WAPL: variants seen among roughly 807,000 people sequenced by gnomAD.
WAPL encodes wings apart-like protein homolog.
WAPL carries 5 observed loss-of-function variants against 121.0 expected under a neutral mutation model. The ratio of observed to expected loss-of-function variants is 0.04; its 90% CI spans 0.02 to 0.09. WAPL has a LOEUF of 0.09. Among genes scored for constraint, WAPL ranks in the 10% least tolerant of loss-of-function variants. The probability of loss-of-function intolerance (pLI) is 1.00; values close to 1 mark genes in which losing one functional copy is unlikely to be tolerated. For synonymous variants in WAPL, 480 were observed against 481.5 expected, an observed-to-expected ratio of 1.00 and a Z score of 0.04; for missense variants, 999 against 1,410.8, an observed-to-expected ratio of 0.71 and a Z score of 4.68.
rs1416699766 is a variant in WAPL at position 86,504,472 on chromosome 10, C to T, written c.500-3729G>A. On this transcript the variant is annotated intron_variant, in intron 2 of 18. Transcript: ENST00000298767. ...TGGGCAGATCACGAGGTCAGGAGAT[C>T]GAGACCAGACTAGCTAACACGGTGA... 2.8e-5 allele frequency among the ~76,000 whole-genome samples: 4 copies of T among 144,108 alleles called. No homozygotes were observed. In the South Asian group the frequency reaches 6.9e-4, roughly 25 times the overall value. The allele number at this position is 144,108 out of a possible 152,430, so 94.5% of individuals were successfully genotyped here. A position where few individuals can be genotyped will look rare whatever the true frequency, so the allele number is the denominator to read the frequency against.
At chr10:86,489,604 T>C (rs576656617) in intron 4 of WAPL, among the ~76,000 whole-genome samples, 10 of 152,280 alleles carry the variant, frequency 6.6e-5, no homozygotes, top group Non-Finnish European at 1.0e-4. Context: ...GGGGGTGCTA[T>C]TGACAACTAA....
At chr10:86,486,839 C>T (rs1390303429) in intron 4 of WAPL, among the ~76,000 whole-genome samples, 1 of 151,950 alleles carries the variant, frequency 6.6e-6, no homozygotes, top group Non-Finnish European at 1.5e-5. Context: ...GCCTATAGTC[C>T]CAGCTACCCT....
intron 4 of WAPL, among the ~76,000 whole-genome samples, chr10:86,479,908 G>A (rs1841742822): frequency 6.6e-6 from 1 of 152,152 alleles, no homozygotes; most frequent in Non-Finnish European, 1.5e-5. Context: ...TCAGAAGCAG[G>A]AGAAGAAAAG....
intron 2 of WAPL, among the ~76,000 whole-genome samples, chr10:86,506,491 T>C (rs1463299306): frequency 6.6e-6 from 1 of 152,234 alleles, no homozygotes; most frequent in East Asian, 1.9e-4. Flanking sequence ...AATGTCAATA[T>C]TGGCCACGTG....
chr10:86,445,081 T>A (rs76434057), intron 16 of WAPL, among the ~76,000 whole-genome samples: 10,179 of 152,058 alleles, frequency 0.067, 645 homozygotes, highest in East Asian at 0.38. Context: ...CATATGGTCG[T>A]CCCTCTGCAT....
intron 4 of WAPL, among the ~76,000 whole-genome samples, chr10:86,495,549 G>GT (rs1446156318): frequency 1.3e-5 from 2 of 151,776 alleles, no homozygotes; most frequent in South Asian, 2.1e-4. Context: ...CGATCTAAAC[G>GT]TAACGACCTA....
At position 86,472,585 on chromosome 10, in the gene WAPL, C is replaced by A. The variant is rs1423675816; in HGVS notation, c.1893+27G>T. On this transcript the variant is annotated intron_variant, in intron 6 of 18. Transcript: ENST00000298767. The surrounding 1 kb of genome is among the most constrained non-coding windows in gnomAD (Gnocchi z 4.2). The stretch of plus-strand genomic sequence containing the variant: ...TTACATACAAAAATCTATCAACATG[C>A]AGTAAACACTGTATATGGCTGCTTA... 4 of 1,602,484 alleles carry A rather than the reference C, an allele frequency of 2.5e-6. No homozygotes were observed. The highest frequency in any genetic ancestry group is 1.8e-5 in the Admixed American group (1 of 56,948).
chr10:86,510,068 C>CTTTTTTTTTTT (rs11323475), intron 2 of WAPL, among the ~76,000 whole-genome samples: 1 of 57,200 alleles, frequency 1.7e-5, no homozygotes, highest in Non-Finnish European at 2.9e-5. Context: ...TCCACCCGGC[C>CTTTTTTTTTTT]TTTTTTTTTT....
At chr10:86,462,452 A>ATG (rs1841302764) in intron 9 of WAPL, among the ~76,000 whole-genome samples, 1 of 152,086 alleles carries the variant, frequency 6.6e-6, no homozygotes, top group Non-Finnish European at 1.5e-5. Flanking sequence ...GCGGTGGCTC[A>ATG]CACCTGTATG....
rs1842267831 is a variant in WAPL at position 86,502,633 on chromosome 10, T to A, written c.500-1890A>T. 2.6e-5 allele frequency among the ~76,000 whole-genome samples: 4 copies of A among 152,222 alleles called. No homozygotes were observed. In the South Asian group the frequency reaches 8.3e-4, roughly 31 times the overall value. Reference sequence around the variant, plus strand: ...ACACAAATGTATACATCTGTGTAACTGTATACTAGTCTATACACACAAATA... The same window carrying A: ...ACACAAATGTATACATCTGTGTAACAGTATACTAGTCTATACACACAAATA... On this transcript the variant is annotated intron_variant, in intron 2 of 18. Coordinates refer to ENST00000298767, the MANE Select transcript of WAPL (RefSeq NM_015045.5).
At chr10:86,470,842 G>T in intron 8 of WAPL, 150 bp downstream of exon 8, 1 of 576,428 alleles carries the variant, frequency 1.7e-6, no homozygotes, top group Non-Finnish European at 2.9e-6. Flanking sequence ...AAAGCTTCTG[G>T]CCATAAGCAC....
intron 12 of WAPL, among the ~76,000 whole-genome samples, chr10:86,454,846 C>T (rs1466596418): frequency 2.7e-5 from 4 of 149,926 alleles, no homozygotes; most frequent in Non-Finnish European, 4.4e-5. Flanking sequence ...TGCCCGGCCG[C>T]GACCCCGTCT....
chr10:86,519,493 T>C (rs555632394), intron 1 of WAPL, among the ~76,000 whole-genome samples: 1 of 151,182 alleles, frequency 6.6e-6, no homozygotes, highest in East Asian at 1.9e-4. Context: ...AATTCAGTAG[T>C]AGACCCCCCC....
chr10:86,472,331 A>C lies in WAPL; in HGVS notation c.1907T>G (p.Val636Gly). Residue 636 changes from valine to glycine, a missense_variant, in exon 7 of 19, where the codon GTT (valine) becomes GGT (glycine). By Grantham distance (109) the Val-to-Gly change is moderately radical (BLOSUM62 -3). This residue lies in a region of WAPL where 118 missense variants were observed against 318.3 expected (regional missense o/e 0.37). Coordinates refer to ENST00000298767, the MANE Select transcript of WAPL (RefSeq NM_015045.5). This position sits in a 1 kb window ranked among gnomAD's most constrained non-coding sequence, Gnocchi z 4.2. ...RREDKELYTV[V>G]QHVKHFNDVV... The stretch of plus-strand genomic sequence containing the variant: ...ATCGTTGAAGTGCTTCACGTGCTGA[A>C]CAACAGTATATAACTGCCAAGAAAA... The C allele has an allele frequency of 6.3e-7, 1 of 1,597,158 alleles. No homozygotes were observed. Among genetic ancestry groups the C allele is most frequent in the Non-Finnish European group, 8.5e-7 (1 of 1,176,436 alleles).
intron 4 of WAPL, among the ~76,000 whole-genome samples, chr10:86,480,602 T>G (rs1294197312): frequency 6.6e-6 from 1 of 150,416 alleles, no homozygotes; most frequent in Non-Finnish European, 1.5e-5. Flanking sequence ...TTATCAAATT[T>G]AGAAATAAAA....
intron 2 of WAPL, among the ~76,000 whole-genome samples, chr10:86,511,078 T>A (rs7899145): frequency 0.85 from 129,709 of 152,002 alleles, 56,016 homozygotes; most frequent in Non-Finnish European, 0.92. Flanking sequence ...TCCTCCCACT[T>A]TGGCCTACCC....
chr10:86,470,883 C>A, intron 8 of WAPL, 109 bp downstream of exon 8: 1 of 833,594 alleles, frequency 1.2e-6, no homozygotes, highest in East Asian at 2.9e-5. Flanking sequence ...TGAACTCAAT[C>A]TATAATTAGG....
At chr10:86,468,946 CA>C (rs1313586728) in intron 8 of WAPL, among the ~76,000 whole-genome samples, 2 of 151,444 alleles carry the variant, frequency 1.3e-5, no homozygotes, top group East Asian at 1.9e-4. Flanking sequence ...ACTAAAAATA[CA>C]AAAAAAATTA....
rs111987385 is a variant in WAPL, at chr10:86,446,757, G to C, written c.3115-308C>G. Among the ~76,000 whole-genome samples the C allele has an allele frequency of 1.6e-3, 242 of 152,222 alleles. 1 individual carries two copies. The highest frequency in any genetic ancestry group is 5.5e-3 in the African/African-American group (230 of 41,536). On this transcript the variant is annotated intron_variant, in intron 15 of 18. Coordinates refer to ENST00000298767, the MANE Select transcript of WAPL (RefSeq NM_015045.5). Reference sequence around the variant, plus strand: ...AAATACAAAATTGGAAAATTCTTAAGTCAAAAGGGAATATGCTAAATTCCT... The same window carrying C: ...AAATACAAAATTGGAAAATTCTTAACTCAAAAGGGAATATGCTAAATTCCT...
Sources: gnomAD v4.1 joint callset for allele counts (sites outside exome capture counted in the v4.1 genomes callset) on GRCh38, gnomAD v4.1.1 for gene constraint, gnomAD v4.1.1 regional missense constraint, Gnocchi (gnomAD v3.1) non-coding constraint, MANE v1.5 for transcripts, NCBI Gene and HGNC (gene_info 2026-07-23, HGNC 2026-07-21) for gene names.